PKN2: variants seen among roughly 807,000 people sequenced by gnomAD.
PKN2 encodes serine/threonine-protein kinase N2.
In PKN2, 38 loss-of-function variants were observed where a neutral mutation model predicts 119.1. That is an observed-to-expected ratio of 0.32 (90% CI 0.25 to 0.42). PKN2 has a LOEUF of 0.42. Ranked by LOEUF, PKN2 falls within the 10% of genes least tolerant of loss-of-function variation. The pLI, the probability that PKN2 is intolerant of heterozygous loss-of-function variation, is 1.00. For missense variants in PKN2, 850 were observed against 1,165.1 expected (o/e 0.73, Z 3.94); for synonymous variants, 390 against 384.9 (o/e 1.01, Z -0.15).
intron 18 of PKN2, among the ~76,000 whole-genome samples, chr1:88,827,448 A>G (rs1325232525): frequency 6.6e-6 from 1 of 151,832 alleles, no homozygotes; most frequent in Admixed American, 6.6e-5. Context: ...CCTGAAGGTA[A>G]ATTTATATAA....
chr1:88,817,317 G>T (rs1367781442), intron 16 of PKN2, among the ~76,000 whole-genome samples: 1 of 150,976 alleles, frequency 6.6e-6, no homozygotes, highest in Non-Finnish European at 1.5e-5. Flanking sequence ...TATCTCAATA[G>T]ATGCAAAAAA....
intron 3 of PKN2, among the ~76,000 whole-genome samples, chr1:88,767,423 G>C (rs1459762834): frequency 6.6e-6 from 1 of 152,106 alleles, no homozygotes; most frequent in African/African-American, 2.4e-5. Context: ...TTCATGCCTT[G>C]CATTACAACA....
chr1:88,804,806 C>A, intron 9 of PKN2, 40 bp from the exon 10 acceptor site: 1 of 1,069,128 alleles, frequency 9.4e-7, no homozygotes, highest in Non-Finnish European at 1.4e-6. Flanking sequence ...TTTCATGAAC[C>A]ATGCTATTTT....
At chr1:88,785,746 A>G in intron 7 of PKN2, among the ~76,000 whole-genome samples, 1 of 152,378 alleles carries the variant, frequency 6.6e-6, no homozygotes, top group Middle Eastern at 3.4e-3. Context: ...TAAGAAAATA[A>G]GGAATTGTTT....
At chr1:88,705,068 T>TA (rs1666923059) in intron 1 of PKN2, among the ~76,000 whole-genome samples, 1 of 152,038 alleles carries the variant, frequency 6.6e-6, no homozygotes, top group Non-Finnish European at 1.5e-5. Flanking sequence ...CTGAATTTAA[T>TA]ACCTTTATCA....
chr1:88,733,261 G>A (rs1275862465), intron 1 of PKN2, among the ~76,000 whole-genome samples: 1 of 152,046 alleles, frequency 6.6e-6, no homozygotes, highest in Non-Finnish European at 1.5e-5. Flanking sequence ...TTTTTGAGTA[G>A]CCTTCATGCT....
intron 2 of PKN2, among the ~76,000 whole-genome samples, chr1:88,746,730 T>C (rs138338048): frequency 6.9e-4 from 105 of 152,230 alleles, no homozygotes; most frequent in Non-Finnish European, 1.3e-3. Flanking sequence ...TAGGATTATT[T>C]TACAATCCAG....
rs184291241 is a variant in PKN2 at position 88,709,048 on chromosome 1, A to G, written c.48+24420A>G. On this transcript the variant is annotated intron_variant, in intron 1 of 21. Transcript: ENST00000370521. ...GCATTATTCTGGGGCCTGTTTATAT[A>G]ATAATAATCAATTTTTTTTTTTTGA... Among the ~76,000 whole-genome samples, 10 of 151,632 alleles carry G rather than the reference A, an allele frequency of 6.6e-5. No individual in the cohort carries two copies. In the East Asian group the frequency reaches 1.9e-3, roughly 29 times the overall value.
At chr1:88,711,867 C>G (rs1319892329) in intron 1 of PKN2, among the ~76,000 whole-genome samples, 1 of 151,890 alleles carries the variant, frequency 6.6e-6, no homozygotes, top group Non-Finnish European at 1.5e-5. Context: ...CTCTACAGTT[C>G]TAATATAAAC....
intron 6 of PKN2, among the ~76,000 whole-genome samples, chr1:88,775,270 C>G (rs1009137883): frequency 6.6e-6 from 1 of 152,174 alleles, no homozygotes; most frequent in Non-Finnish European, 1.5e-5. Context: ...TGGTCTTTCA[C>G]TAAATCTTGA....
intron 12 of PKN2, among the ~76,000 whole-genome samples, 166 bp from the exon 13 acceptor site, chr1:88,807,147 T>C (rs1321287204): frequency 6.6e-6 from 1 of 152,006 alleles, no homozygotes; most frequent in Non-Finnish European, 1.5e-5. Context: ...GAGACCCACC[T>C]CTAAAAAAAG....
chr1:88,787,633 A>G (rs1670635069), intron 8 of PKN2, among the ~76,000 whole-genome samples: 1 of 152,244 alleles, frequency 6.6e-6, no homozygotes, highest in Admixed American at 6.5e-5. Context: ...TAAATTACCT[A>G]AACTACAAGC....
At chr1:88,725,342 G>T (rs192489977) in intron 1 of PKN2, among the ~76,000 whole-genome samples, 24 of 152,162 alleles carry the variant, frequency 1.6e-4, no homozygotes, top group African/African-American at 5.8e-4. Flanking sequence ...TTTCAGAGTG[G>T]CTATACCACC....
At position 88,684,482 on chromosome 1, in the gene PKN2, T is replaced by G; in HGVS notation, c.-99T>G. The G allele has an allele frequency of 1.1e-6, 1 of 917,220 alleles. No homozygotes were observed. The highest frequency in any genetic ancestry group is 1.6e-6 in the Non-Finnish European group (1 of 625,524). The allele number at this position is 917,220 out of a possible 1,614,324, so 56.8% of individuals were successfully genotyped here. On this transcript the variant is annotated 5_prime_UTR_variant, in exon 1 of 22. Transcript: ENST00000370521. Reference sequence around the variant, plus strand: ...ATCCCTAGTTGTTTTTTTTTTTTTCTTTCTCTCCCCTCTCCTCACCCCCAC... The same window carrying G: ...ATCCCTAGTTGTTTTTTTTTTTTTCGTTCTCTCCCCTCTCCTCACCCCCAC...
intron 8 of PKN2, among the ~76,000 whole-genome samples, chr1:88,803,783 C>T (rs1671427649): frequency 6.6e-6 from 1 of 152,100 alleles, no homozygotes; most frequent in African/African-American, 2.4e-5. Flanking sequence ...GAATATCTTT[C>T]TGTATAAAGC....
chr1:88,740,019 A>T (rs1463125359), intron 1 of PKN2, among the ~76,000 whole-genome samples: 3 of 152,162 alleles, frequency 2.0e-5, no homozygotes, highest in Non-Finnish European at 4.4e-5. Context: ...GAAAAAAAAA[A>T]TAAAAAATAA....
chr1:88,790,783 C>T (rs947088040), intron 8 of PKN2, among the ~76,000 whole-genome samples: 1 of 151,846 alleles, frequency 6.6e-6, no homozygotes, highest in African/African-American at 2.4e-5. Context: ...TTAGTGTTTT[C>T]TCTTGGTAGT....
At chr1:88,778,925 A>G (rs542818254) in intron 6 of PKN2, among the ~76,000 whole-genome samples, 1 of 152,068 alleles carries the variant, frequency 6.6e-6, no homozygotes, top group Non-Finnish European at 1.5e-5. Context: ...CGGTTTCACC[A>G]TGTTAGCCAG....
Position 88,807,732 on chromosome 1 carries a change from G to T in PKN2, c.2059G>T (p.Ala687Ser). 3 of 1,602,912 alleles carry T rather than the reference G, an allele frequency of 1.9e-6. No homozygotes were observed. Among genetic ancestry groups the T allele is most frequent in the Non-Finnish European group, 2.6e-6 (3 of 1,173,946 alleles). Residue 687 changes from alanine (A) to serine (S), a missense_variant, in exon 15 of 22, where the codon GCC becomes TCC. Physicochemically the swap from Ala to Ser is moderately conservative, Grantham distance 99. Around this residue, in one of 9 missense-constraint regions of PKN2, gnomAD observed 216 missense variants for 252.8 expected, o/e 0.85. Transcript: ENST00000370521. ...KNTNEMFAIK[A>S]LKKGDIVARD... ...CACAAATGAGATGTTTGCTATAAAA[G>T]CCTTAAAGAAAGGAGATATTGTGGC...
Sources: allele counts gnomAD v4.1 joint callset (sites outside exome capture counted in the v4.1 genomes callset), GRCh38; gene constraint gnomAD v4.1.1; regional missense constraint gnomAD v4.1.1; transcripts MANE v1.5; gene names NCBI Gene and HGNC (gene_info 2026-07-23, HGNC 2026-07-21).